The following HPSE2 variants were observed in gnomAD, a reference collection of about 807,000 sequenced individuals.
The protein encoded by HPSE2 is inactive heparanase-2.
A neutral mutation model predicts 60.5 loss-of-function variants in HPSE2; 38 were observed. The ratio of observed to expected loss-of-function variants is 0.63; its 90% confidence interval spans 0.48 to 0.82. HPSE2 has a LOEUF of 0.82. Ranked by LOEUF, HPSE2 falls within the 40% of genes least tolerant of loss-of-function variation. The pLI is 0.00. For missense variants in HPSE2, 713 were observed against 740.4 expected, an observed-to-expected ratio of 0.96 and a Z score of 0.43; for synonymous variants, 295 against 293.2, an observed-to-expected ratio of 1.01 and a Z score of -0.06.
the HPSE2 span, among the ~76,000 whole-genome samples, chr10:99,287,142 T>C: frequency 6.6e-6 from 1 of 152,134 alleles, no homozygotes; most frequent in South Asian, 2.1e-4. Context: ...TTAGAGCTAA[T>C]CCTGCAAATA....
chr10:98,704,658 G>C (rs1435247978), intron 5 of HPSE2, among the ~76,000 whole-genome samples: 1 of 152,152 alleles, frequency 6.6e-6, no homozygotes, highest in African/African-American at 2.4e-5. Flanking sequence ...AAACAATGGA[G>C]AAAGGATTCC....
chr10:98,460,411 G>A (rs1197531195), intron 11 of HPSE2, among the ~76,000 whole-genome samples: 1 of 152,080 alleles, frequency 6.6e-6, no homozygotes, highest in Non-Finnish European at 1.5e-5. Context: ...AGGATCGCTT[G>A]AGTCCAGGAG....
chr10:98,994,347 G>A (rs1429462067), intron 3 of HPSE2, among the ~76,000 whole-genome samples: 1 of 152,138 alleles, frequency 6.6e-6, no homozygotes, highest in Non-Finnish European at 1.5e-5. Flanking sequence ...TAGCTTCCAT[G>A]TCCCTCCTCA....
rs556364300 is a variant in HPSE2 at position 98,719,163 on chromosome 10, G to A, written c.956+2494C>T. Among the ~76,000 whole-genome samples, 12 of 151,974 alleles carry A rather than the reference G, an allele frequency of 7.9e-5. No homozygotes were observed. The South Asian group carries it at 8.3e-4, about 11-fold the overall frequency. Reference sequence around the variant, plus strand: ...TTACAATTATGCATACTGTTTTTACGTTAGATGACCTTAAAATCAGTTGTT... The same window carrying A: ...TTACAATTATGCATACTGTTTTTACATTAGATGACCTTAAAATCAGTTGTT... On this transcript the variant is annotated intron_variant, in intron 5 of 11. Coordinates refer to ENST00000370552, the MANE Select transcript of HPSE2 (RefSeq NM_021828.5).
At chr10:99,175,297 C>T (rs1024940010) in intron 2 of HPSE2, among the ~76,000 whole-genome samples, 1 of 152,138 alleles carries the variant, frequency 6.6e-6, no homozygotes, top group Non-Finnish European at 1.5e-5. Context: ...AGAAAGGGGG[C>T]TGAAACCAGG....
intron 3 of HPSE2, among the ~76,000 whole-genome samples, chr10:99,095,472 G>T (rs1843689115): frequency 6.6e-6 from 1 of 152,106 alleles, no homozygotes; most frequent in Admixed American, 6.5e-5. Context: ...TATATTTATA[G>T]TTGTGCAACC....
At chr10:99,298,421 G>A in the HPSE2 span, among the ~76,000 whole-genome samples, 1 of 152,200 alleles carries the variant, frequency 6.6e-6, no homozygotes, top group South Asian at 2.1e-4. Flanking sequence ...ACTAGACATA[G>A]GGACAACAGC....
intron 11 of HPSE2, among the ~76,000 whole-genome samples, chr10:98,468,075 G>C (rs1940623997): frequency 1.3e-5 from 2 of 152,390 alleles, no homozygotes; most frequent in East Asian, 3.9e-4. Flanking sequence ...CTCGCTGAGC[G>C]AGGAAGCTGG....
chr10:98,728,287 G>C (rs1199494788), intron 4 of HPSE2, among the ~76,000 whole-genome samples: 1 of 152,074 alleles, frequency 6.6e-6, no homozygotes, highest in Non-Finnish European at 1.5e-5. Context: ...CAAAGGACTG[G>C]GGAATGAAAC....
At chr10:98,791,337 A>T (rs148035622) in intron 3 of HPSE2, among the ~76,000 whole-genome samples, 1 of 152,294 alleles carries the variant, frequency 6.6e-6, no homozygotes, top group East Asian at 1.9e-4. Context: ...TCAGATGATG[A>T]CTGATGAGTT....
At chr10:99,251,066 TG>T in the HPSE2 span, among the ~76,000 whole-genome samples, 1 of 152,144 alleles carries the variant, frequency 6.6e-6, no homozygotes, top group Non-Finnish European at 1.5e-5. Context: ...AACAAAAGTT[TG>T]TTCTTTGAAA....
chr10:98,775,612 C>T (rs868595), intron 3 of HPSE2, among the ~76,000 whole-genome samples: 5,758 of 152,226 alleles, frequency 0.038, 236 homozygotes, highest in East Asian at 0.17. Flanking sequence ...GGAACTACTG[C>T]TAAATCTTCA....
intron 9 of HPSE2, among the ~76,000 whole-genome samples, chr10:98,582,010 T>G (rs1944812905): frequency 6.6e-6 from 1 of 152,194 alleles, no homozygotes; most frequent in South Asian, 2.1e-4. Flanking sequence ...GTGTGAGCTG[T>G]TTGACATTGT....
At chr10:99,116,638 A>G (rs1266024128) in intron 3 of HPSE2, among the ~76,000 whole-genome samples, 1 of 152,158 alleles carries the variant, frequency 6.6e-6, no homozygotes, top group African/African-American at 2.4e-5. Context: ...TCTCTGTCAA[A>G]GTGGCAGCCA....
chr10:98,617,510 A>T (rs1262865968), intron 8 of HPSE2, among the ~76,000 whole-genome samples: 1 of 152,188 alleles, frequency 6.6e-6, no homozygotes, highest in Admixed American at 6.5e-5. Context: ...GCAAACCTAC[A>T]TCCCTATATG....
intron 2 of HPSE2, among the ~76,000 whole-genome samples, chr10:99,164,751 G>T (rs1173740685): frequency 6.6e-6 from 1 of 151,806 alleles, no homozygotes; most frequent in African/African-American, 2.4e-5. Flanking sequence ...TAGGCCAGGC[G>T]CAGTGGCGCA....
intron 3 of HPSE2, among the ~76,000 whole-genome samples, chr10:99,109,882 T>C (rs1844393179): frequency 6.6e-6 from 1 of 152,088 alleles, no homozygotes; most frequent in Non-Finnish European, 1.5e-5. Flanking sequence ...GGAGGTCCCA[T>C]GAAAATCAAG....
At chr10:98,591,556 G>A (rs932304165) in intron 9 of HPSE2, among the ~76,000 whole-genome samples, 1 of 152,084 alleles carries the variant, frequency 6.6e-6, no homozygotes, top group Non-Finnish European at 1.5e-5. Context: ...CCAGCTACTT[G>A]GGAGTTGAGG....
At chr10:98,773,868 C>T (rs1950289522) in intron 3 of HPSE2, among the ~76,000 whole-genome samples, 1 of 152,090 alleles carries the variant, frequency 6.6e-6, no homozygotes, top group Admixed American at 6.6e-5. Flanking sequence ...TCAGCCTGGG[C>T]AACATAGTGA....
Sources: allele counts gnomAD v4.1 joint callset (sites outside exome capture counted in the v4.1 genomes callset), GRCh38; gene constraint gnomAD v4.1.1; transcripts MANE v1.5; gene names NCBI Gene and HGNC (gene_info 2026-07-23, HGNC 2026-07-21).